GLRX: variants seen among roughly 807,000 people sequenced by gnomAD.
GLRX encodes glutaredoxin-1.
Under a neutral mutation model 11.1 loss-of-function variants are expected in GLRX, and 9 were observed. That is an observed-to-expected ratio of 0.81 (90% CI 0.49 to 1.42). The LOEUF is 1.42. GLRX is among the 40% of genes most tolerant of loss of function. GLRX has a pLI of 0.00. For missense variants in GLRX, 102 were observed against 126.2 expected (o/e 0.81, Z 0.92); for synonymous variants, 49 against 49.5 (o/e 0.99, Z 0.04).
chr5:95,816,708 T>C, intron 1 of GLRX, 82 bp from the exon 2 acceptor site: 1 of 792,910 alleles, frequency 1.3e-6, no homozygotes. Flanking sequence ...ATATTTCCCG[T>C]GATTCCAAAC....
In GLRX at chr5:95,814,338, C is replaced by T. The variant is rs1746904399; in HGVS notation, c.*58G>A. ...CAACTATGCTTTTCATATGATTTCT[C>T]CAATTGGGTCCTGTGACCTTTCACA... On this transcript the variant is annotated 3_prime_UTR_variant, in exon 3 of 3. Coordinates refer to ENST00000237858, the MANE Select transcript of GLRX (RefSeq NM_001118890.2). 6.6e-6 allele frequency: 1 copy of T among 152,580 alleles called. No individual in the cohort carries two copies. Among genetic ancestry groups the T allele is most frequent in the African/African-American group, 2.4e-5 (1 of 41,420 alleles). The allele number at this position is 152,580 out of a possible 1,614,324, so 9.5% of individuals were successfully genotyped here. A position where few individuals can be genotyped will look rare whatever the true frequency, so the allele number is the denominator to read the frequency against.
At position 95,813,959 on chromosome 5, in the gene GLRX, T is replaced by C. The variant is rs1198969798; in HGVS notation, c.*437A>G. ...AATGTCTTGAGAACATGCAAATGAATTGGACAAAAATCACTGAATCATCTA... is the reference window on the plus strand; with the variant it reads ...AATGTCTTGAGAACATGCAAATGAACTGGACAAAAATCACTGAATCATCTA... On this transcript the variant is annotated 3_prime_UTR_variant, in exon 3 of 3. Transcript: ENST00000237858. 1 of 152,142 alleles carries C rather than the reference T, an allele frequency of 6.6e-6. No homozygotes were observed. Among genetic ancestry groups the C allele is most frequent in the African/African-American group, 2.4e-5 (1 of 41,446 alleles). 9.4% of individuals were successfully genotyped at this position (152,142 alleles called of 1,614,324 possible).
intron 1 of GLRX, chr5:95,818,425 A>G (rs1747090147): frequency 1.3e-5 from 2 of 152,202 alleles, no homozygotes; most frequent in African/African-American, 4.8e-5. Context: ...GAGGAACTTG[A>G]GAGTCCGCTA....
chr5:95,822,655 T>C lies in GLRX; in HGVS notation c.8A>G (p.Gln3Arg), dbSNP rs1403234036. 6.8e-6 allele frequency: 11 copies of C among 1,613,804 alleles called. No homozygotes were observed. The highest frequency in any genetic ancestry group is 9.3e-6 in the Non-Finnish European group (11 of 1,179,726). Residue 3 changes from glutamine (Q) to arginine (R), a missense_variant, in exon 1 of 3, where the codon CAA becomes CGA. Transcript: ENST00000237858. ...CTGGATTTTGCAGTTCACAAACTCTTGAGCCATGCCGATGGGCTGCGGTCT... is the reference window on the plus strand; with the variant it reads ...CTGGATTTTGCAGTTCACAAACTCTCGAGCCATGCCGATGGGCTGCGGTCT... The part of the protein sequence containing the change: MA[Q>R]EFVNCKIQPG...
chr5:95,819,484 G>A (rs1368440866), intron 1 of GLRX: 1 of 152,192 alleles, frequency 6.6e-6, no homozygotes, highest in Non-Finnish European at 1.5e-5. Context: ...TTTAGGAGCT[G>A]TGACTATAGC....
chr5:95,822,550 A>C lies in GLRX; in HGVS notation c.113T>G (p.Ile38Ser). 1 of 1,613,810 alleles carries C rather than the reference A, an allele frequency of 6.2e-7. No individual in the cohort carries two copies. The highest frequency in any genetic ancestry group is 2.2e-5 in the East Asian group (1 of 44,882). ...RAQEILSQLP[I>S]KQGLLEFVDI... Reference sequence around the variant, plus strand: ...GACAAATTCCAGAAGCCCTTGTTTGATGGGCAATTGACTGAGGATCTCTTG... The same window carrying C: ...GACAAATTCCAGAAGCCCTTGTTTGCTGGGCAATTGACTGAGGATCTCTTG... The change falls in exon 1 of 3, where the codon ATC becomes AGC. Residue 38 changes from isoleucine (I) to serine (S), a missense_variant. Coordinates refer to ENST00000237858, the MANE Select transcript of GLRX (RefSeq NM_001118890.2).
intron 2 of GLRX, 55 bp downstream of exon 2, chr5:95,816,452 A>G: frequency 1.2e-6 from 1 of 866,990 alleles, no homozygotes; most frequent in Non-Finnish European, 2.0e-6. Context: ...AAACCACGAC[A>G]GAAGAATTCC....
At position 95,814,383 on chromosome 5, in the gene GLRX, A is replaced by G. The variant is rs772313990; in HGVS notation, c.*13T>C. 3 of 152,658 alleles carry G rather than the reference A, an allele frequency of 2.0e-5. No homozygotes were observed. The highest frequency in any genetic ancestry group is 2.9e-5 in the Non-Finnish European group (2 of 68,042). The allele number at this position is 152,658 out of a possible 1,614,324, so 9.5% of individuals were successfully genotyped here. A position where few individuals can be genotyped will look rare whatever the true frequency, so the allele number is the denominator to read the frequency against. The stretch of plus-strand genomic sequence containing the variant: ...TTCACAGAATTGTTGAACATTTCCT[A>G]TGAGATCTGTGGAGGACAAGGTGGA... On this transcript the variant is annotated 3_prime_UTR_variant, in exon 3 of 3. Coordinates refer to ENST00000237858, the MANE Select transcript of GLRX (RefSeq NM_001118890.2).
In GLRX at chr5:95,816,544, G is replaced by A. The variant is rs140804825; in HGVS notation, c.290C>T (p.Thr97Met). 9.2e-5 allele frequency: 147 copies of A among 1,604,482 alleles called. No individual in the cohort carries two copies. The Middle Eastern group carries it at 1.2e-3, about 13-fold the overall frequency. Residue 97 changes from threonine (T) to methionine (M), a missense_variant, in exon 2 of 3, where the codon ACG becomes ATG. Coordinates refer to ENST00000237858, the MANE Select transcript of GLRX (RefSeq NM_001118890.2). ...CAGAGCTCCAATCTGCTTTAGCCGC[G>A]TCAGCAGTTCCCCACTCTGTTGCAA... ...VSLQQSGELL[T>M]RLKQIGALQ
intron 1 of GLRX, among the ~76,000 whole-genome samples, chr5:95,820,305 T>A (rs1263394457): frequency 7.0e-6 from 1 of 142,240 alleles, no homozygotes; most frequent in African/African-American, 2.6e-5. Flanking sequence ...CAGCTATCAT[T>A]GCACCACTGC....
chr5:95,822,029 A>C (rs1490435695), intron 1 of GLRX, among the ~76,000 whole-genome samples: 1 of 152,218 alleles, frequency 6.6e-6, no homozygotes, highest in East Asian at 1.9e-4. Flanking sequence ...AAGAAAGCCT[A>C]GAGAAAAGAA....
At chr5:95,819,194 AT>A (rs1372988671) in intron 1 of GLRX, 4 of 152,174 alleles carry the variant, frequency 2.6e-5, no homozygotes, top group Non-Finnish European at 5.9e-5. Flanking sequence ...GGTTTTTTTC[AT>A]GGCAGAAAAG....
intron 1 of GLRX, chr5:95,818,957 C>T (rs1185710945): frequency 6.6e-6 from 1 of 152,240 alleles, no homozygotes; most frequent in Non-Finnish European, 1.5e-5. Flanking sequence ...TTCACTCTAC[C>T]TGTAAATTGT....
chr5:95,820,001 C>T (rs1025654337), intron 1 of GLRX, among the ~76,000 whole-genome samples: 1 of 148,928 alleles, frequency 6.7e-6, no homozygotes. Flanking sequence ...AAGGCTTGTT[C>T]TTCCCCTAGG....
intron 2 of GLRX, among the ~76,000 whole-genome samples, chr5:95,815,591 G>A (rs1249561492): frequency 6.6e-6 from 1 of 152,196 alleles, no homozygotes; most frequent in East Asian, 1.9e-4. Context: ...ACATCTCTCT[G>A]GGTACAGGTC....
chr5:95,818,541 T>C, intron 1 of GLRX: 1 of 152,230 alleles, frequency 6.6e-6, no homozygotes, highest in East Asian at 1.9e-4. Context: ...CAACATCTCC[T>C]GTACGCTAGC....
rs1320863194 is a variant in GLRX, at chr5:95,814,377, T to C, written c.*19A>G. On this transcript the variant is annotated 3_prime_UTR_variant, in exon 3 of 3. Transcript: ENST00000237858. ...TGACCTTTCACAGAATTGTTGAACA[T>C]TTCCTATGAGATCTGTGGAGGACAA... The C allele has an allele frequency of 3.3e-5, 5 of 152,684 alleles. No homozygotes were observed. Among genetic ancestry groups the C allele is most frequent in the African/African-American group, 1.2e-4 (5 of 41,448 alleles). The allele number at this position is 152,684 out of a possible 1,614,324, so 9.5% of individuals were successfully genotyped here.
At chr5:95,819,605 G>C (rs1365158021) in intron 1 of GLRX, 1 of 152,062 alleles carries the variant, frequency 6.6e-6, no homozygotes, top group Non-Finnish European at 1.5e-5. Context: ...GAATAATTAA[G>C]ACTGCAGGAT....
At chr5:95,822,304 C>T (rs1385587611) in intron 1 of GLRX, 152 bp downstream of exon 1, 1 of 638,762 alleles carries the variant, frequency 1.6e-6, no homozygotes, top group Non-Finnish European at 2.8e-6. Flanking sequence ...CCGAGATCCT[C>T]TCTAAGGCGC....
Sources: gnomAD v4.1 joint callset for allele counts (sites outside exome capture counted in the v4.1 genomes callset) on GRCh38, gnomAD v4.1.1 for gene constraint, MANE v1.5 for transcripts, NCBI Gene and HGNC (gene_info 2026-07-23, HGNC 2026-07-21) for gene names.